Variants in LRRFIP1 observed in about 807,000 individuals in gnomAD.
LRRFIP1 encodes the protein LRR binding FLII interacting protein 1.
Under a neutral mutation model 104.4 loss-of-function variants are expected in LRRFIP1, and 62 were observed. The observed-to-expected ratio is 0.59, with a 90% CI of 0.48 to 0.73. The LOEUF is 0.73. LRRFIP1 is among the 30% of genes least tolerant of loss of function. LRRFIP1 has a pLI of 0.00. For missense variants in LRRFIP1, 796 were observed against 824.5 expected (o/e 0.97, Z 0.42); for synonymous variants, 300 against 299.0 (o/e 1.00, Z -0.03).
At chr2:237,761,998 A>G (rs1008899853) in intron 19 of LRRFIP1, among the ~76,000 whole-genome samples, 2 of 152,234 alleles carry the variant, frequency 1.3e-5, no homozygotes, top group Non-Finnish European at 1.5e-5. Context: ...GTATCAGGGC[A>G]TGGACACAGG....
intron 7 of LRRFIP1, among the ~76,000 whole-genome samples, chr2:237,724,915 C>G (rs888786843): frequency 6.6e-6 from 1 of 152,030 alleles, no homozygotes; most frequent in Non-Finnish European, 1.5e-5. Flanking sequence ...TCTCTAATGC[C>G]CTTTACATGT....
chr2:237,673,618 G>A (rs866798471), intron 1 of LRRFIP1, among the ~76,000 whole-genome samples: 1 of 152,218 alleles, frequency 6.6e-6, no homozygotes, highest in Admixed American at 6.5e-5. Flanking sequence ...TGTAGCTGGC[G>A]TGGTATCTGG....
intron 1 of LRRFIP1, among the ~76,000 whole-genome samples, chr2:237,633,044 C>T (rs6754840): frequency 0.38 from 57,370 of 152,078 alleles, 11,540 homozygotes; most frequent in East Asian, 0.46. Context: ...CTGGGCCCTG[C>T]CCCTTTGTTC....
At chr2:237,637,568 A>T (rs1370156252) in intron 1 of LRRFIP1, among the ~76,000 whole-genome samples, 1 of 152,258 alleles carries the variant, frequency 6.6e-6, no homozygotes, top group Admixed American at 6.5e-5. Flanking sequence ...AAACAAATAA[A>T]ATACCTGGAG....
At chr2:237,760,263 T>A in intron 19 of LRRFIP1, 58 bp downstream of exon 19, 1 of 1,582,492 alleles carries the variant, frequency 6.3e-7, no homozygotes, top group Non-Finnish European at 8.6e-7. Flanking sequence ...TGGTTCACCC[T>A]CCATGCACTG....
At chr2:237,708,431 T>C in intron 1 of LRRFIP1, 113 bp from the exon 2 acceptor site, 1 of 715,172 alleles carries the variant, frequency 1.4e-6, no homozygotes, top group Non-Finnish European at 2.3e-6. Flanking sequence ...AATTTATTGC[T>C]GTATATCTGT....
chr2:237,635,799 AAAAAG>A (rs2149276100), intron 1 of LRRFIP1, among the ~76,000 whole-genome samples: 1 of 152,270 alleles, frequency 6.6e-6, no homozygotes, highest in South Asian at 2.1e-4. Flanking sequence ...CATCTCCACA[AAAAAG>A]AAAAGAAAAA....
intron 1 of LRRFIP1, among the ~76,000 whole-genome samples, chr2:237,676,517 G>A (rs989804289): frequency 2.0e-5 from 3 of 152,012 alleles, no homozygotes; most frequent in Non-Finnish European, 2.9e-5. Context: ...GTTTCGTTTT[G>A]TTTTTTGAGA....
intron 11 of LRRFIP1, among the ~76,000 whole-genome samples, chr2:237,744,157 ATAT>A (rs1438519388): frequency 2.0e-5 from 3 of 152,216 alleles, no homozygotes; most frequent in Non-Finnish European, 2.9e-5. Flanking sequence ...GCTAAAGTAA[ATAT>A]TATTGGATTT....
chr2:237,680,972 C>A (rs185014908), intron 1 of LRRFIP1, among the ~76,000 whole-genome samples: 1 of 152,178 alleles, frequency 6.6e-6, no homozygotes, highest in East Asian at 1.9e-4. Flanking sequence ...CACAGTGAGA[C>A]CCTGTGTCAA....
intron 1 of LRRFIP1, among the ~76,000 whole-genome samples, chr2:237,639,598 A>C (rs531617309): frequency 1.3e-5 from 2 of 152,272 alleles, no homozygotes; most frequent in South Asian, 4.1e-4. Context: ...CTTTGGGCTT[A>C]TCTGACCTCT....
Position 237,735,379 on chromosome 2 carries a change from T to TA in LRRFIP1, c.555+46_555+47insA. 1 of 1,579,782 alleles carries TA rather than the reference T, an allele frequency of 6.3e-7. No individual in the cohort carries two copies. The highest frequency in any genetic ancestry group is 8.6e-7 in the Non-Finnish European group (1 of 1,157,526). On this transcript the variant is annotated intron_variant, in intron 10 of 23. Transcript: ENST00000308482. The surrounding 1 kb of genome is among the most constrained non-coding windows in gnomAD (Gnocchi z 4.6). ...CCTCCTTTCCCCCGTGCCTGCTGCA[T>TA]GGCCTGGGGATGCTCGCTGGGCAGG...
intron 1 of LRRFIP1, among the ~76,000 whole-genome samples, chr2:237,695,963 C>A (rs1475930747): frequency 1.3e-5 from 2 of 149,178 alleles, no homozygotes; most frequent in Non-Finnish European, 3.0e-5. Context: ...AGGCCAGATT[C>A]CAAAACAATA....
intron 1 of LRRFIP1, among the ~76,000 whole-genome samples, chr2:237,705,465 C>G (rs1216464765): frequency 6.6e-6 from 1 of 152,046 alleles, no homozygotes; most frequent in Admixed American, 6.6e-5. Context: ...AGTTCGAGAC[C>G]AGCCTGGGCA....
intron 1 of LRRFIP1, among the ~76,000 whole-genome samples, chr2:237,633,122 A>G (rs576990270): frequency 3.9e-5 from 6 of 152,254 alleles, no homozygotes; most frequent in African/African-American, 1.4e-4. Flanking sequence ...AGCCTGAACA[A>G]CATCCTGCCT....
intron 5 of LRRFIP1, 82 bp from the exon 6 acceptor site, chr2:237,720,690 C>A: frequency 1.6e-6 from 2 of 1,276,602 alleles, no homozygotes; most frequent in Non-Finnish European, 2.3e-6. Flanking sequence ...CAGTTCCCAG[C>A]ATCCCCCTGA....
At chr2:237,741,610 T>C (rs2057087409) in intron 11 of LRRFIP1, among the ~76,000 whole-genome samples, 1 of 152,108 alleles carries the variant, frequency 6.6e-6, no homozygotes. Flanking sequence ...GGTGGATCAC[T>C]TGAGGTCAGG....
intron 1 of LRRFIP1, among the ~76,000 whole-genome samples, chr2:237,679,734 G>A (rs1219075470): frequency 2.0e-5 from 3 of 152,098 alleles, no homozygotes; most frequent in Non-Finnish European, 2.9e-5. Context: ...TCAGCCTCCC[G>A]AGTAGCTGGG....
intron 2 of LRRFIP1, among the ~76,000 whole-genome samples, chr2:237,713,116 G>A (rs1399654549): frequency 1.3e-5 from 2 of 151,878 alleles, no homozygotes; most frequent in African/African-American, 4.8e-5. Context: ...GACCGGGGTT[G>A]GTATCCCCCA....
Sources: gnomAD v4.1 joint callset for allele counts (sites outside exome capture counted in the v4.1 genomes callset) on GRCh38, gnomAD v4.1.1 for gene constraint, Gnocchi (gnomAD v3.1) non-coding constraint, MANE v1.5 for transcripts, NCBI Gene and HGNC (gene_info 2026-07-23, HGNC 2026-07-21) for gene names.